The following PSMA5 variants were observed in gnomAD, a reference collection of about 807,000 sequenced individuals.
The protein encoded by PSMA5 is proteasome 20S subunit alpha 5.
A neutral mutation model predicts 34.5 loss-of-function variants in PSMA5; 3 were observed. The ratio of observed to expected loss-of-function variants is 0.09; its 90% CI spans 0.04 to 0.22. The LOEUF (loss-of-function observed/expected upper bound fraction) is 0.22. Ranked by LOEUF, PSMA5 falls within the 10% of genes least tolerant of loss-of-function variation. The pLI is 1.00. For missense variants in PSMA5, 120 were observed against 286.1 expected (o/e 0.42, Z 4.19); for synonymous variants, 88 against 95.8 (o/e 0.92, Z 0.47).
At position 109,399,761 on chromosome 1, in the gene PSMA5, C is replaced by CCA; in HGVS notation, c.*2251_*2252insTG. 1 of 152,128 alleles carries CCA rather than the reference C, an allele frequency of 6.6e-6. No individual in the cohort carries two copies. The highest frequency in any genetic ancestry group is 1.5e-5 in the Non-Finnish European group (1 of 68,016). 9.4% of individuals were successfully genotyped at this position (152,128 alleles called of 1,614,324 possible). ...GTTTGAGTGAATATATTTATTATTTCACTTTTTAAATTGGAAACCCTAGGA... is the reference window on the plus strand; with the variant it reads ...GTTTGAGTGAATATATTTATTATTTCCAACTTTTTAAATTGGAAACCCTAGGA... On this transcript the variant is annotated 3_prime_UTR_variant, in exon 9 of 9. Coordinates refer to ENST00000271308, the MANE Select transcript of PSMA5 (RefSeq NM_002790.4).
chr1:109,426,411 C>T lies in PSMA5; in HGVS notation c.-81G>A. The T allele has an allele frequency of 6.4e-7, 1 of 1,555,294 alleles. No individual in the cohort carries two copies. ...CCACCGGCACCCAACTCACCGGCAG[C>T]CAACTCACCCACACGGCCGCAGTAC... is the stretch of plus-strand genomic sequence containing the variant. On this transcript the variant is annotated 5_prime_UTR_variant, in exon 1 of 9. Coordinates refer to ENST00000271308, the MANE Select transcript of PSMA5 (RefSeq NM_002790.4).
chr1:109,405,169 A>G (rs1653699181), intron 8 of PSMA5, among the ~76,000 whole-genome samples: 1 of 152,190 alleles, frequency 6.6e-6, no homozygotes, highest in Non-Finnish European at 1.5e-5. Flanking sequence ...AAAGTGGTTA[A>G]AAGTATAAGA....
At chr1:109,413,471 A>G (rs1347555560) in intron 3 of PSMA5, among the ~76,000 whole-genome samples, 1 of 152,210 alleles carries the variant, frequency 6.6e-6, no homozygotes, top group East Asian at 1.9e-4. Flanking sequence ...AACGAAGCAA[A>G]TACTAATGCC....
intron 2 of PSMA5, 50 bp from the exon 3 acceptor site, chr1:109,415,413 T>C (rs1465607): frequency 0.73 from 1,135,563 of 1,564,158 alleles, 415,334 homozygotes; most frequent in East Asian, 0.97. Flanking sequence ...ATAACTGTCT[T>C]ACATACTCAC....
At chr1:109,426,008 G>T (rs1393358498) in intron 1 of PSMA5, 1 of 548,454 alleles carries the variant, frequency 1.8e-6, no homozygotes, top group East Asian at 2.9e-5. Flanking sequence ...GGCCTTCTCC[G>T]GGTTCAAGGT....
rs752091073 is a variant in PSMA5, at chr1:109,402,122, G to T, written c.649-32C>A. On this transcript the variant is annotated intron_variant, in intron 8 of 8. Transcript: ENST00000271308. The stretch of plus-strand genomic sequence containing the variant: ...AGAAAACAGAAGGGTTAATAAGCTG[G>T]GCTGAGTTACCCTGCTGATGGCCCT... 9 of 1,540,002 alleles carry T rather than the reference G, an allele frequency of 5.8e-6. 1 individual carries two copies. In the South Asian group the frequency reaches 7.9e-5, roughly 14 times the overall value.
intron 3 of PSMA5, among the ~76,000 whole-genome samples, 174 bp from the exon 4 acceptor site, chr1:109,413,309 T>C (rs544470945): frequency 1.3e-5 from 2 of 152,264 alleles, no homozygotes; most frequent in Admixed American, 6.5e-5. Context: ...CAAGTATTAA[T>C]GATATTAGAA....
At chr1:109,407,104 G>T (rs1653797961) in intron 8 of PSMA5, among the ~76,000 whole-genome samples, 2 of 152,090 alleles carry the variant, frequency 1.3e-5, no homozygotes, top group African/African-American at 4.8e-5. Context: ...TCCTGCCTCA[G>T]CCTCTGGAGT....
In PSMA5 at chr1:109,402,400, G is replaced by A. The variant is rs1453037882; in HGVS notation, c.649-310C>T. On this transcript the variant is annotated intron_variant, in intron 8 of 8. Coordinates refer to ENST00000271308, the MANE Select transcript of PSMA5 (RefSeq NM_002790.4). ...TCACAAAAGCAGCAGCAAAGTACATGGAGTCAGTACTTTTTTCTGTTAAAG... is the reference window on the plus strand; with the variant it reads ...TCACAAAAGCAGCAGCAAAGTACATAGAGTCAGTACTTTTTTCTGTTAAAG... 4.6e-5 allele frequency among the ~76,000 whole-genome samples: 7 copies of A among 152,274 alleles called. No homozygotes were observed. In the East Asian group the frequency reaches 7.7e-4, roughly 17 times the overall value.
intron 7 of PSMA5, among the ~76,000 whole-genome samples, chr1:109,410,371 T>G (rs1023381268): frequency 2.6e-5 from 4 of 152,224 alleles, no homozygotes; most frequent in African/African-American, 9.6e-5. Context: ...CCAAATGATC[T>G]AAGAGGTAGC....
chr1:109,413,659 T>C (rs1654088238), intron 3 of PSMA5, among the ~76,000 whole-genome samples: 1 of 152,216 alleles, frequency 6.6e-6, no homozygotes, highest in South Asian at 2.1e-4. Context: ...TTATTGTACA[T>C]GCCATGGCTC....
chr1:109,411,520 A>C (rs1191577279), intron 6 of PSMA5, among the ~76,000 whole-genome samples: 1 of 152,152 alleles, frequency 6.6e-6, no homozygotes, highest in Non-Finnish European at 1.5e-5. Context: ...AAATTTGTGC[A>C]AACGGTATAG....
chr1:109,406,019 G>A (rs1653743447), intron 8 of PSMA5, among the ~76,000 whole-genome samples: 1 of 152,210 alleles, frequency 6.6e-6, no homozygotes. Flanking sequence ...GGTTTCTCGT[G>A]TGAATGACAA....
intron 3 of PSMA5, 73 bp downstream of exon 3, chr1:109,415,164 C>G: frequency 1.5e-5 from 22 of 1,477,798 alleles, no homozygotes; most frequent in Non-Finnish European, 2.0e-5. Context: ...TTTCATAAAC[C>G]TTCCTTGGAA....
Position 109,401,562 on chromosome 1 carries a change from G to T in PSMA5, c.*451C>A, listed in dbSNP as rs970188181. On this transcript the variant is annotated 3_prime_UTR_variant, in exon 9 of 9. Coordinates refer to ENST00000271308, the MANE Select transcript of PSMA5 (RefSeq NM_002790.4). The stretch of plus-strand genomic sequence containing the variant: ...GGGATTAATGGATATAGTTGATTCT[G>T]TTATAGAGCATCACTAAAACAGTTT... 6.6e-6 allele frequency: 1 copy of T among 152,570 alleles called. No homozygotes were observed. The highest frequency in any genetic ancestry group is 1.5e-5 in the Non-Finnish European group (1 of 68,366). The allele number at this position is 152,570 out of a possible 1,614,324, so 9.5% of individuals were successfully genotyped here. A position where few individuals can be genotyped will look rare whatever the true frequency, so the allele number is the denominator to read the frequency against.
intron 8 of PSMA5, 64 bp from the exon 9 acceptor site, chr1:109,402,154 G>T: frequency 1.7e-6 from 2 of 1,202,738 alleles, no homozygotes; most frequent in Non-Finnish European, 2.4e-6. Context: ...CCCTACCATG[G>T]TCAGGAGAAG....
intron 2 of PSMA5, among the ~76,000 whole-genome samples, chr1:109,416,090 T>C (rs1386202446): frequency 6.6e-6 from 1 of 152,206 alleles, no homozygotes; most frequent in African/African-American, 2.4e-5. Context: ...ACACATTATA[T>C]ATTATAAAAT....
At chr1:109,424,207 C>T (rs1403958564) in intron 1 of PSMA5, among the ~76,000 whole-genome samples, 1 of 152,156 alleles carries the variant, frequency 6.6e-6, no homozygotes, top group Non-Finnish European at 1.5e-5. Context: ...GAATGCAATC[C>T]CTCATCAAAA....
In PSMA5 at chr1:109,402,085, G is replaced by A; in HGVS notation, c.654C>T (p.Ala218=). The A allele has an allele frequency of 6.2e-7, 1 of 1,611,366 alleles. No homozygotes were observed. The highest frequency in any genetic ancestry group is 1.1e-5 in the South Asian group (1 of 90,742). The change falls in exon 9 of 9, where the codon GCC becomes GCT. Residue 218 remains alanine, a synonymous_variant. Coordinates refer to ENST00000271308, the MANE Select transcript of PSMA5 (RefSeq NM_002790.4). ...EKLNATNIEL[A]TVQPGQNFHM... The stretch of plus-strand genomic sequence containing the variant: ...GGAAATTCTGGCCAGGCTGCACTGT[G>A]GCTAGCTGGAAAGAAAACAGAAGGG...
Sources: gnomAD v4.1 joint callset for allele counts (sites outside exome capture counted in the v4.1 genomes callset) on GRCh38, gnomAD v4.1.1 for gene constraint, MANE v1.5 for transcripts, NCBI Gene and HGNC (gene_info 2026-07-23, HGNC 2026-07-21) for gene names.